SDHAF3: variants seen among roughly 807,000 people sequenced by gnomAD.
The protein encoded by SDHAF3 is succinate dehydrogenase complex assembly factor 3, also known as succinate dehydrogenase assembly factor 3, mitochondrial.
In SDHAF3, 18 loss-of-function variants were observed where a neutral mutation model predicts 11.5. The observed-to-expected ratio is 1.56, with a 90% CI of 1.08 to 2.32. The LOEUF (loss-of-function observed/expected upper bound fraction) is 2.32, where lower values mean the gene tolerates loss of function less well. Among genes scored for constraint, SDHAF3 ranks in the 30% most tolerant of loss-of-function variants. SDHAF3 has a pLI of 0.00. For synonymous variants in SDHAF3, 72 were observed against 59.3 expected, an observed-to-expected ratio of 1.21 and a Z score of -0.99; for missense variants, 200 against 154.4, an observed-to-expected ratio of 1.30 and a Z score of -1.57.
At chr7:97,139,513 A>G (rs931257441) in intron 1 of SDHAF3, among the ~76,000 whole-genome samples, 24 of 152,230 alleles carry the variant, frequency 1.6e-4, no homozygotes, top group African/African-American at 4.3e-4. Context: ...GTGAGGATCA[A>G]TCAGAGGAAA....
At chr7:97,134,100 C>G (rs952367306) in intron 1 of SDHAF3, among the ~76,000 whole-genome samples, 3 of 152,206 alleles carry the variant, frequency 2.0e-5, no homozygotes, top group Non-Finnish European at 4.4e-5. Context: ...TCCCTCCCCC[C>G]TTTCCAAAGC....
intron 1 of SDHAF3, among the ~76,000 whole-genome samples, chr7:97,166,745 G>GT (rs1491501892): frequency 7.1e-6 from 1 of 140,790 alleles, no homozygotes; most frequent in South Asian, 2.4e-4. Context: ...CAGTTAGTTG[G>GT]CGGGGGGGGC....
At chr7:97,126,489 TG>T (rs1791579382) in intron 1 of SDHAF3, among the ~76,000 whole-genome samples, 1 of 152,210 alleles carries the variant, frequency 6.6e-6, no homozygotes, top group South Asian at 2.1e-4. Context: ...TTGGGGCTGC[TG>T]CCTTTGTTTC....
intron 1 of SDHAF3, chr7:97,142,547 T>A (rs1789067081): frequency 6.6e-6 from 1 of 152,206 alleles, no homozygotes; most frequent in South Asian, 2.1e-4. Context: ...AATTTTGTTT[T>A]TTTGCTATTT....
intron 1 of SDHAF3, among the ~76,000 whole-genome samples, chr7:97,129,106 T>C (rs1031677216): frequency 1.4e-4 from 21 of 152,262 alleles, no homozygotes; most frequent in African/African-American, 5.1e-4. Context: ...TTTTTTGTTT[T>C]ATTTTGGTCT....
At chr7:97,162,382 T>A (rs1002088318) in intron 1 of SDHAF3, among the ~76,000 whole-genome samples, 3 of 152,178 alleles carry the variant, frequency 2.0e-5, no homozygotes, top group African/African-American at 7.2e-5. Context: ...TCTATCTCCT[T>A]CAGTTCTGCT....
chr7:97,163,424 G>A (rs753669161), intron 1 of SDHAF3, among the ~76,000 whole-genome samples: 23 of 152,194 alleles, frequency 1.5e-4, no homozygotes, highest in Non-Finnish European at 2.8e-4. Flanking sequence ...AGAGGCGTGA[G>A]CCACTGCGCC....
chr7:97,150,121 C>A (rs796927529), intron 1 of SDHAF3, among the ~76,000 whole-genome samples: 5 of 152,330 alleles, frequency 3.3e-5, no homozygotes, highest in African/African-American at 1.2e-4. Context: ...GGCTCCACTT[C>A]TGAAGTAGAG....
intron 1 of SDHAF3, among the ~76,000 whole-genome samples, chr7:97,134,476 T>C (rs1395725991): frequency 6.6e-6 from 1 of 152,194 alleles, no homozygotes; most frequent in Non-Finnish European, 1.5e-5. Flanking sequence ...AGACGGAGTC[T>C]TGCTGTGTCT....
At chr7:97,126,569 G>A (rs532746563) in intron 1 of SDHAF3, among the ~76,000 whole-genome samples, 1 of 152,228 alleles carries the variant, frequency 6.6e-6, no homozygotes, top group African/African-American at 2.4e-5. Context: ...GCTGCGTTAC[G>A]TTGAGTTCCT....
intron 1 of SDHAF3, among the ~76,000 whole-genome samples, chr7:97,118,325 T>A (rs1021319557): frequency 6.6e-6 from 1 of 152,190 alleles, no homozygotes; most frequent in Admixed American, 6.5e-5. Flanking sequence ...ATCTCAGCGC[T>A]TTTGGTTGGG....
chr7:97,165,357 CTT>C (rs10653828), intron 1 of SDHAF3, among the ~76,000 whole-genome samples: 80 of 77,026 alleles, frequency 1.0e-3, no homozygotes, highest in Non-Finnish European at 2.6e-4. Flanking sequence ...ATTTTCCTAC[CTT>C]TTTTTTTTTT....
At position 97,117,907 on chromosome 7, in the gene SDHAF3, G is replaced by C. The variant is rs372734240; in HGVS notation, c.174+10G>C. ...CTTGCAAGAATGGGAGGCAAGTGAC[G>C]CTCCCTTCTCTTTGCCCAAGACCTT... On this transcript the variant is annotated intron_variant, in intron 1 of 1. Coordinates refer to ENST00000432641, the MANE Select transcript of SDHAF3 (RefSeq NM_020186.3). The C allele has an allele frequency of 3.2e-5, 51 of 1,613,196 alleles. 1 individual carries two copies. The East Asian group carries it at 4.0e-4, about 13-fold the overall frequency.
intron 1 of SDHAF3, chr7:97,135,211 T>A (rs752103808): frequency 8.5e-5 from 13 of 152,190 alleles, no homozygotes; most frequent in African/African-American, 1.9e-4. Flanking sequence ...AAGGGTACTC[T>A]ACATCATACC....
At chr7:97,155,752 T>G (rs895849498) in intron 1 of SDHAF3, among the ~76,000 whole-genome samples, 1 of 152,152 alleles carries the variant, frequency 6.6e-6, no homozygotes, top group Non-Finnish European at 1.5e-5. Context: ...ATTTACATGG[T>G]GACTACTTAT....
chr7:97,155,798 A>G (rs1789292454), intron 1 of SDHAF3, among the ~76,000 whole-genome samples: 1 of 151,966 alleles, frequency 6.6e-6, no homozygotes, highest in African/African-American at 2.4e-5. Context: ...TTTGGAGCAT[A>G]TATATTTATA....
chr7:97,135,533 TG>T (rs1351717550), intron 1 of SDHAF3: 1 of 156,000 alleles, frequency 6.4e-6, no homozygotes, highest in South Asian at 2.0e-4. Flanking sequence ...ATTGGTTTCT[TG>T]GGGTCACCTT....
intron 1 of SDHAF3, among the ~76,000 whole-genome samples, chr7:97,141,419 CG>C (rs1478181247): frequency 1.3e-5 from 2 of 152,134 alleles, no homozygotes; most frequent in East Asian, 1.9e-4. Context: ...GGGGGCATCA[CG>C]GAACCTGCCA....
chr7:97,119,477 A>G (rs975251442), intron 1 of SDHAF3, among the ~76,000 whole-genome samples: 2 of 152,196 alleles, frequency 1.3e-5, no homozygotes, highest in African/African-American at 4.8e-5. Context: ...AACTTGGAAT[A>G]ATTTTAGACA....
Sources: allele counts gnomAD v4.1 joint callset (sites outside exome capture counted in the v4.1 genomes callset), GRCh38; gene constraint gnomAD v4.1.1; transcripts MANE v1.5; gene names NCBI Gene and HGNC (gene_info 2026-07-23, HGNC 2026-07-21).